The following ARNT2 variants were observed in gnomAD, a reference collection of about 807,000 sequenced individuals.
ARNT2 encodes the protein aryl hydrocarbon receptor nuclear translocator 2.
In ARNT2, 36 loss-of-function variants were observed where a neutral mutation model predicts 91.7. The ratio of observed to expected loss-of-function variants is 0.39; its 90% CI spans 0.30 to 0.52. ARNT2 has a LOEUF of 0.52. Ranked by LOEUF, ARNT2 falls within the 20% of genes least tolerant of loss-of-function variation. The pLI is 0.72. For synonymous variants in ARNT2, 365 were observed against 347.1 expected (o/e 1.05, Z -0.57); for missense variants, 775 against 939.3 (o/e 0.83, Z 2.29).
chr15:80,437,980 G>A (rs946569917), intron 1 of ARNT2, among the ~76,000 whole-genome samples: 22 of 145,324 alleles, frequency 1.5e-4, no homozygotes, highest in African/African-American at 5.5e-4. Context: ...TTCTCTGTCT[G>A]GATGTACACA....
At chr15:80,467,568 C>T (rs968175428) in intron 3 of ARNT2, among the ~76,000 whole-genome samples, 5 of 152,126 alleles carry the variant, frequency 3.3e-5, no homozygotes, top group South Asian at 2.1e-4. Flanking sequence ...CGGGCAAGTG[C>T]GGGGCGGTGG....
intron 5 of ARNT2, among the ~76,000 whole-genome samples, chr15:80,484,054 C>G (rs972104208): frequency 6.6e-6 from 1 of 152,136 alleles, no homozygotes; most frequent in African/African-American, 2.4e-5. Context: ...AAAAACTGTA[C>G]TTTCAAATAT....
Position 80,591,742 on chromosome 15 carries a change from C to T in ARNT2, c.2055+38C>T, listed in dbSNP as rs749887130. On this transcript the variant is annotated intron_variant, in intron 18 of 18. Coordinates refer to ENST00000303329, the MANE Select transcript of ARNT2 (RefSeq NM_014862.4). The surrounding 1 kb of genome is among the most constrained non-coding windows in gnomAD (Gnocchi z 5.1). ...AGCACCGCCTTCTCGTAGGTACCGGCGCCTTCTCTCTGCTTCCTTTCCCCC... is the reference window on the plus strand; with the variant it reads ...AGCACCGCCTTCTCGTAGGTACCGGTGCCTTCTCTCTGCTTCCTTTCCCCC... 12 of 1,609,644 alleles carry T rather than the reference C, an allele frequency of 7.5e-6. No individual in the cohort carries two copies. Among genetic ancestry groups the T allele is most frequent in the Admixed American group, 1.7e-5 (1 of 59,824 alleles).
chr15:80,438,443 G>A (rs77624535), intron 1 of ARNT2, among the ~76,000 whole-genome samples: 1,885 of 152,248 alleles, frequency 0.012, 22 homozygotes, highest in East Asian at 0.063. Context: ...AGATATGAAG[G>A]ATTCCAAATA....
intron 5 of ARNT2, among the ~76,000 whole-genome samples, chr15:80,483,706 A>G (rs60152037): frequency 0.07 from 10,584 of 152,270 alleles, 892 homozygotes; most frequent in African/African-American, 0.19. Context: ...GTCACCCTGG[A>G]AGGACCCAGA....
chr15:80,572,686 A>G (rs1242514631), intron 12 of ARNT2, among the ~76,000 whole-genome samples: 1 of 152,232 alleles, frequency 6.6e-6, no homozygotes, highest in Non-Finnish European at 1.5e-5. Context: ...TTGTTTCAAA[A>G]TAGACAGTGG....
chr15:80,544,124 C>G (rs59923628), intron 8 of ARNT2, among the ~76,000 whole-genome samples: 1,642 of 152,294 alleles, frequency 0.011, 24 homozygotes, highest in African/African-American at 0.038. Context: ...TCTTCCACAG[C>G]TCTACTTAAC....
intron 1 of ARNT2, among the ~76,000 whole-genome samples, chr15:80,417,526 C>T (rs1357395401): frequency 6.8e-6 from 1 of 147,712 alleles, no homozygotes; most frequent in Non-Finnish European, 1.5e-5. Context: ...TCTGCTTCTT[C>T]TCCTCCCTCC....
At chr15:80,562,986 C>T in intron 11 of ARNT2, 102 bp from the exon 12 acceptor site, 1 of 1,320,116 alleles carries the variant, frequency 7.6e-7, no homozygotes, top group Non-Finnish European at 1.1e-6. Context: ...ATTCTGAGGT[C>T]CTGCTGGCCC....
chr15:80,421,509 G>A lies in ARNT2; in HGVS notation c.31+16963G>A, dbSNP rs373977817. ...AATCAATAAAAATAAATGTTAAAAAGTACTTAATGGTACAAAGAAAGTCAT... is the reference window on the plus strand; with the variant it reads ...AATCAATAAAAATAAATGTTAAAAAATACTTAATGGTACAAAGAAAGTCAT... On this transcript the variant is annotated intron_variant, in intron 1 of 18. Coordinates refer to ENST00000303329, the MANE Select transcript of ARNT2 (RefSeq NM_014862.4). Among the ~76,000 whole-genome samples the A allele has an allele frequency of 1.5e-4, 23 of 152,186 alleles. No homozygotes were observed. In the East Asian group the frequency reaches 3.3e-3, roughly 22 times the overall value.
intron 12 of ARNT2, among the ~76,000 whole-genome samples, chr15:80,573,270 T>A (rs1898615094): frequency 6.6e-6 from 1 of 152,256 alleles, no homozygotes; most frequent in Non-Finnish European, 1.5e-5. Flanking sequence ...CCTGACTTGT[T>A]TATTGTATCT....
intron 5 of ARNT2, among the ~76,000 whole-genome samples, chr15:80,479,785 C>G (rs1168266858): frequency 2.6e-5 from 4 of 152,136 alleles, no homozygotes; most frequent in African/African-American, 7.2e-5. Context: ...GCTCTCTTGG[C>G]TCATTTTGGT....
intron 8 of ARNT2, among the ~76,000 whole-genome samples, chr15:80,522,760 CATAT>C (rs60138286): frequency 0.041 from 5,860 of 144,334 alleles, 378 homozygotes; most frequent in African/African-American, 0.14. Flanking sequence ...TGTACATACA[CATAT>C]ATATATATAT....
chr15:80,563,277 T>A (rs1358853841), intron 12 of ARNT2, 38 bp downstream of exon 12: 1 of 1,611,978 alleles, frequency 6.2e-7, no homozygotes, highest in Non-Finnish European at 8.5e-7. Flanking sequence ...GGAATCCACA[T>A]GCGCTTGCTT....
chr15:80,569,261 G>A (rs901576339), intron 12 of ARNT2, among the ~76,000 whole-genome samples: 2 of 152,162 alleles, frequency 1.3e-5, no homozygotes, highest in East Asian at 1.9e-4. Flanking sequence ...GCACCTCGCC[G>A]GCAGGAAGCC....
intron 1 of ARNT2, among the ~76,000 whole-genome samples, chr15:80,409,393 T>G (rs896425174): frequency 7.9e-5 from 12 of 152,230 alleles, no homozygotes; most frequent in African/African-American, 2.7e-4. Context: ...CTCTGTATCT[T>G]TCAGTGGCTT....
intron 1 of ARNT2, chr15:80,444,183 C>T (rs1896245150): frequency 6.5e-6 from 1 of 152,936 alleles, no homozygotes; most frequent in South Asian, 2.1e-4. Flanking sequence ...GGATGGATGA[C>T]TTGTCCAGGA....
chr15:80,456,886 C>G (rs767462479), intron 2 of ARNT2, among the ~76,000 whole-genome samples: 25 of 151,230 alleles, frequency 1.7e-4, no homozygotes, highest in Admixed American at 1.6e-3. Context: ...GCCAGGCAGG[C>G]TGGCCTTCCT....
chr15:80,564,004 C>T (rs1273456898), intron 12 of ARNT2, among the ~76,000 whole-genome samples: 1 of 152,200 alleles, frequency 6.6e-6, no homozygotes, highest in African/African-American at 2.4e-5. Flanking sequence ...CAAGGAAATA[C>T]AAGGCCAAGG....
Sources: gnomAD v4.1 joint callset for allele counts (sites outside exome capture counted in the v4.1 genomes callset) on GRCh38, gnomAD v4.1.1 for gene constraint, Gnocchi (gnomAD v3.1) non-coding constraint, MANE v1.5 for transcripts, NCBI Gene and HGNC (gene_info 2026-07-23, HGNC 2026-07-21) for gene names.